Variants in ACOX3 observed in about 807,000 individuals in gnomAD.
The protein encoded by ACOX3 is acyl-CoA oxidase 3, pristanoyl, also known as peroxisomal acyl-coenzyme A oxidase 3.
A neutral mutation model predicts 81.5 loss-of-function variants in ACOX3; 73 were observed. The ratio of observed to expected loss-of-function variants is 0.90; its 90% CI spans 0.74 to 1.09. The LOEUF (loss-of-function observed/expected upper bound fraction) is 1.09, where lower values mean the gene tolerates loss of function less well. Among genes scored for constraint, ACOX3 ranks in the 50% least tolerant of loss-of-function variants. The pLI is 0.00. For synonymous variants in ACOX3, 387 were observed against 375.1 expected, an observed-to-expected ratio of 1.03 and a Z score of -0.37; for missense variants, 947 against 928.0, an observed-to-expected ratio of 1.02 and a Z score of -0.27.
intron 16 of ACOX3, among the ~76,000 whole-genome samples, chr4:8,372,875 C>A (rs766699556): frequency 3.3e-5 from 5 of 152,216 alleles, no homozygotes; most frequent in Non-Finnish European, 5.9e-5. Flanking sequence ...GCAGCAGCAC[C>A]AGCACCAGCA....
intron 1 of ACOX3, among the ~76,000 whole-genome samples, chr4:8,422,113 CAA>C (rs1273925633): frequency 1.3e-5 from 2 of 150,640 alleles, no homozygotes; most frequent in South Asian, 2.1e-4. Flanking sequence ...ATCCATCTAT[CAA>C]GAGAGAGAAT....
At chr4:8,377,236 C>A (rs970044593) in intron 14 of ACOX3, among the ~76,000 whole-genome samples, 7 of 152,330 alleles carry the variant, frequency 4.6e-5, no homozygotes, top group African/African-American at 1.7e-4. Flanking sequence ...TGAACCGAAT[C>A]TGAGTGAGCC....
intron 6 of ACOX3, among the ~76,000 whole-genome samples, chr4:8,409,748 T>C (rs975442967): frequency 2.1e-5 from 3 of 140,544 alleles, no homozygotes; most frequent in Non-Finnish European, 3.1e-5. Flanking sequence ...TGGGATACAC[T>C]TTGGGCAGGC....
chr4:8,371,096 G>A (rs1716133592), intron 16 of ACOX3, 102 bp from the exon 17 acceptor site: 2 of 1,054,508 alleles, frequency 1.9e-6, no homozygotes, highest in African/African-American at 1.6e-5. Flanking sequence ...CACTAGCAAC[G>A]GGTCACCTGA....
At chr4:8,375,442 A>C (rs1716826259) in intron 14 of ACOX3, among the ~76,000 whole-genome samples, 1 of 152,194 alleles carries the variant, frequency 6.6e-6, no homozygotes, top group African/African-American at 2.4e-5. Context: ...TGGCACCAGC[A>C]CTGCATACGG....
chr4:8,365,631 G>A (rs892546163), downstream of ACOX3, among the ~76,000 whole-genome samples: 13 of 152,064 alleles, frequency 8.5e-5, no homozygotes, highest in African/African-American at 1.7e-4. Flanking sequence ...TTGGCTGAGC[G>A]TCCCACGAGA....
the ACOX3 span, chr4:8,357,504 T>C: frequency 3.1e-6 from 1 of 322,296 alleles, no homozygotes. Context: ...ATTACCAAAA[T>C]AGTACCTAAT....
chr4:8,361,525 C>G (rs75042203), downstream of ACOX3, among the ~76,000 whole-genome samples: 63 of 140,240 alleles, frequency 4.5e-4, no homozygotes, highest in East Asian at 0.011. Flanking sequence ...ATAAGTTAAT[C>G]TTGTAAAAAA....
Position 8,399,579 on chromosome 4 carries a change from C to T in ACOX3, c.850G>A (p.Gly284Ser), listed in dbSNP as rs1195072820. 6 of 1,614,106 alleles carry T rather than the reference C, an allele frequency of 3.7e-6. No individual in the cohort carries two copies. The highest frequency in any genetic ancestry group is 5.1e-6 in the Non-Finnish European group (6 of 1,179,988). The change falls in exon 8 of 18, where the codon GGC becomes AGC. Residue 284 changes from glycine to serine, a missense_variant. By Grantham distance (56) the Gly-to-Ser change is moderately conservative. Transcript: ENST00000356406. This position sits in a 1 kb window ranked among gnomAD's most constrained non-coding sequence, Gnocchi z 4.9. The part of the protein sequence containing the change: ...LNRMGDVTPE[G>S]TYVSPFKDVR... ...ACCTTAAAGGGGCTGACATAGGTGCCCTCGGGGGTGACGTCTCCCATCCGG... is the reference window on the plus strand; with the variant it reads ...ACCTTAAAGGGGCTGACATAGGTGCTCTCGGGGGTGACGTCTCCCATCCGG...
At chr4:8,373,213 C>G (rs1053079562) in intron 16 of ACOX3, among the ~76,000 whole-genome samples, 2 of 152,100 alleles carry the variant, frequency 1.3e-5, no homozygotes, top group Non-Finnish European at 2.9e-5. Context: ...GGAGACGCCC[C>G]GACAGGTTTC....
At chr4:8,417,041 C>G (rs560231439) in intron 1 of ACOX3, among the ~76,000 whole-genome samples, 39 of 152,392 alleles carry the variant, frequency 2.6e-4, no homozygotes, top group Non-Finnish European at 4.9e-4. Context: ...AGCACAGAAC[C>G]TCTGATCACA....
downstream of ACOX3, among the ~76,000 whole-genome samples, chr4:8,362,818 A>T (rs75044003): frequency 0.013 from 1,923 of 152,344 alleles, 40 homozygotes; most frequent in African/African-American, 0.044. Context: ...GCTCTAAAAA[A>T]GTCTTATCTG....
In ACOX3 at chr4:8,366,632, G is replaced by C. The variant is rs1172624938; in HGVS notation, c.*329C>G. On this transcript the variant is annotated 3_prime_UTR_variant, in exon 18 of 18. Coordinates refer to ENST00000356406, the MANE Select transcript of ACOX3 (RefSeq NM_003501.3). ...TCTGACCAGAAGATCCCTGACAATG[G>C]GCTGTTTACTTTAGAGAAAGGAGCT... The C allele has an allele frequency of 5.3e-6, 1 of 189,462 alleles. No homozygotes were observed. The allele number at this position is 189,462 out of a possible 1,614,324, so 11.7% of individuals were successfully genotyped here. A position where few individuals can be genotyped will look rare whatever the true frequency, so the allele number is the denominator to read the frequency against.
In ACOX3 at chr4:8,406,127, G is replaced by T; in HGVS notation, c.688-84C>A. The T allele has an allele frequency of 2.2e-6, 3 of 1,360,626 alleles. No homozygotes were observed. The highest frequency in any genetic ancestry group is 1.0e-6 in the Non-Finnish European group (1 of 954,728). The allele number at this position is 1,360,626 out of a possible 1,614,324, so 84.3% of individuals were successfully genotyped here. ...ACAAATGTGTTCAGAAACCCACAGG[G>T]TGGGCCATGGGCTCAACGCTGGGCG... On this transcript the variant is annotated intron_variant, in intron 6 of 17. Transcript: ENST00000356406. The surrounding 1 kb of genome is among the most constrained non-coding windows in gnomAD (Gnocchi z 5.6).
chr4:8,361,905 G>C (rs1715240303), downstream of ACOX3, among the ~76,000 whole-genome samples: 2 of 152,140 alleles, frequency 1.3e-5, no homozygotes, highest in Non-Finnish European at 2.9e-5. Context: ...ATGTGTTATT[G>C]GTATATGTTC....
chr4:8,381,921 G>A lies in ACOX3; in HGVS notation c.1538-314C>T, dbSNP rs113403746. On this transcript the variant is annotated intron_variant, in intron 13 of 17. Coordinates refer to ENST00000356406, the MANE Select transcript of ACOX3 (RefSeq NM_003501.3). This position sits in a 1 kb window ranked among gnomAD's most constrained non-coding sequence, Gnocchi z 4.3. ...GCTAGAGTGGGCCCCCGAGTGGGAC[G>A]GCTGCACGTTCTCGCACGCACCAGG... 2.0e-5 allele frequency among the ~76,000 whole-genome samples: 3 copies of A among 152,254 alleles called. No individual in the cohort carries two copies. The highest frequency in any genetic ancestry group is 2.0e-4 in the Admixed American group (3 of 15,290).
In ACOX3 at chr4:8,385,380, C is replaced by T. The variant is rs1274832674; in HGVS notation, c.1538-3773G>A. On this transcript the variant is annotated intron_variant, in intron 13 of 17. Coordinates refer to ENST00000356406, the MANE Select transcript of ACOX3 (RefSeq NM_003501.3). The surrounding 1 kb of genome is among the most constrained non-coding windows in gnomAD (Gnocchi z 5.5). ...GCACTCCACGTGACCTCACCACTCA[C>T]CCCATGTGACCCCACTGCTCACACA... Among the ~76,000 whole-genome samples, 1 of 152,146 alleles carries T rather than the reference C, an allele frequency of 6.6e-6. No homozygotes were observed. Among genetic ancestry groups the T allele is most frequent in the Non-Finnish European group, 1.5e-5 (1 of 68,022 alleles).
chr4:8,410,959 G>A (rs1400784905), intron 5 of ACOX3, among the ~76,000 whole-genome samples: 1 of 152,248 alleles, frequency 6.6e-6, no homozygotes, highest in Non-Finnish European at 1.5e-5. Context: ...GGCTAGAAGG[G>A]GTGTGGACAG....
At chr4:8,367,806 CAAAAAA>C (rs535574857) in intron 17 of ACOX3, among the ~76,000 whole-genome samples, 35 of 46,710 alleles carry the variant, frequency 7.5e-4, no homozygotes, top group East Asian at 7.1e-3. Flanking sequence ...CCCATCTTTA[CAAAAAA>C]AAAAAAAAAA....
Sources: allele counts gnomAD v4.1 joint callset (sites outside exome capture counted in the v4.1 genomes callset), GRCh38; gene constraint gnomAD v4.1.1; non-coding constraint Gnocchi (gnomAD v3.1); transcripts MANE v1.5; gene names NCBI Gene and HGNC (gene_info 2026-07-23, HGNC 2026-07-21).